The following STAB2 variants were observed in gnomAD, a reference collection of about 807,000 sequenced individuals.
STAB2 encodes stabilin 2.
Under a neutral mutation model 338.1 loss-of-function variants are expected in STAB2, and 288 were observed. The ratio of observed to expected loss-of-function variants is 0.85; its 90% CI spans 0.77 to 0.94. The LOEUF (loss-of-function observed/expected upper bound fraction) is 0.94, where lower values mean the gene tolerates loss of function less well. Ranked by LOEUF, STAB2 falls within the 40% of genes least tolerant of loss-of-function variation. The pLI is 0.00. For synonymous variants in STAB2, 1,202 were observed against 1,193.3 expected, an observed-to-expected ratio of 1.01 and a Z score of -0.15; for missense variants, 3,141 against 3,210.1, an observed-to-expected ratio of 0.98 and a Z score of 0.52.
At chr12:103,655,164 T>C (rs1874086974) in intron 13 of STAB2, 87 bp from the exon 14 acceptor site, 1 of 1,259,594 alleles carries the variant, frequency 7.9e-7, no homozygotes, top group African/African-American at 1.5e-5. Context: ...ACATAAACTC[T>C]GTCATCAGTC....
intron 53 of STAB2, among the ~76,000 whole-genome samples, chr12:103,738,217 C>A (rs1882308722): frequency 6.6e-6 from 1 of 152,176 alleles, no homozygotes; most frequent in South Asian, 2.1e-4. Flanking sequence ...CATAGTCAGT[C>A]TAATATGATA....
intron 46 of STAB2, among the ~76,000 whole-genome samples, chr12:103,726,785 A>G (rs192371754): frequency 6.6e-6 from 1 of 152,292 alleles, no homozygotes; most frequent in East Asian, 1.9e-4. Flanking sequence ...AAATGTAAGA[A>G]ATAAGATTTT....
chr12:103,702,461 G>T (rs1426658267), intron 34 of STAB2, among the ~76,000 whole-genome samples: 1 of 152,012 alleles, frequency 6.6e-6, no homozygotes, highest in Non-Finnish European at 1.5e-5. Context: ...ACCGCGCCCG[G>T]CTAATTTTTT....
chr12:103,681,767 G>A (rs573246254), intron 25 of STAB2, among the ~76,000 whole-genome samples: 141 of 151,810 alleles, frequency 9.3e-4, no homozygotes, highest in African/African-American at 2.9e-3. Context: ...GACTACAGGT[G>A]TGTGCCACCA....
At chr12:103,746,344 C>A (rs1883031014) in intron 57 of STAB2, 1 of 339,580 alleles carries the variant, frequency 2.9e-6, no homozygotes. Flanking sequence ...AATTGATAGC[C>A]CCTAAAGAAC....
chr12:103,710,017 T>C (rs1390689648), intron 39 of STAB2, among the ~76,000 whole-genome samples: 1 of 152,068 alleles, frequency 6.6e-6, no homozygotes, highest in Non-Finnish European at 1.5e-5. Flanking sequence ...TCTCCACATC[T>C]CTCAATCCAT....
Position 103,717,833 on chromosome 12 carries a change from T to C in STAB2, c.4675T>C (p.Cys1559Arg). ...AAAGGTCTGCACACTCATCAATGTCTGCTTAACTGTGAGTATGGCTCTAGG... is the reference window on the plus strand; with the variant it reads ...AAAGGTCTGCACACTCATCAATGTCCGCTTAACTGTGAGTATGGCTCTAGG... Reference protein sequence around the residue: ...DGKVCTLINVCLTKNGGCSEF... With the variant: ...DGKVCTLINVRLTKNGGCSEF... Residue 1559 changes from cysteine (C) to arginine (R), a missense_variant, in exon 44 of 69, where the codon TGC (cysteine) becomes CGC (arginine). Coordinates refer to ENST00000388887, the MANE Select transcript of STAB2 (RefSeq NM_017564.10). The C allele has an allele frequency of 6.2e-7, 1 of 1,614,090 alleles. No homozygotes were observed. The highest frequency in any genetic ancestry group is 8.5e-7 in the Non-Finnish European group (1 of 1,179,982).
In STAB2 at chr12:103,690,506, G is replaced by A; in HGVS notation, c.3265G>A (p.Gly1089Ser). Residue 1089 changes from glycine (G) to serine (S), a missense_variant, in exon 30 of 69, where the codon GGC becomes AGC. By Grantham distance (56) the Gly-to-Ser change is moderately conservative (BLOSUM62 0). Transcript: ENST00000388887. Reference protein sequence around the residue: ...SSDMLATSLQGNFLHLAKVDG... With the variant: ...SSDMLATSLQSNFLHLAKVDG... ...TGACATGTTGGCAACATCTTTGCAG[G>A]GCAACTTCCTTCACTTGGCAAAGGT... 6.2e-7 allele frequency: 1 copy of A among 1,614,036 alleles called. No homozygotes were observed. Among genetic ancestry groups the A allele is most frequent in the Non-Finnish European group, 8.5e-7 (1 of 1,179,946 alleles).
intron 68 of STAB2, 192 bp downstream of exon 68, chr12:103,763,800 T>C: frequency 1.9e-6 from 1 of 525,470 alleles, no homozygotes; most frequent in Non-Finnish European, 3.4e-6. Flanking sequence ...CTGGGTTCTC[T>C]TGGGTAGACA....
chr12:103,646,844 C>T (rs1293373492), intron 9 of STAB2, among the ~76,000 whole-genome samples: 1 of 152,134 alleles, frequency 6.6e-6, no homozygotes, highest in Non-Finnish European at 1.5e-5. Flanking sequence ...GACAATGTCT[C>T]CAGAGGTAGT....
chr12:103,701,267 G>A (rs1030402399), intron 34 of STAB2, among the ~76,000 whole-genome samples: 27 of 151,710 alleles, frequency 1.8e-4, no homozygotes, highest in East Asian at 3.9e-4. Flanking sequence ...TGGACATTTG[G>A]GTTGGTTCCA....
intron 48 of STAB2, among the ~76,000 whole-genome samples, chr12:103,729,757 C>A (rs1007241606): frequency 1.3e-4 from 20 of 152,174 alleles, no homozygotes; most frequent in Admixed American, 7.8e-4. Flanking sequence ...CTCCCTACTA[C>A]AGAGAAAAAA....
At chr12:103,620,808 G>A (rs1957288336) in intron 4 of STAB2, among the ~76,000 whole-genome samples, 1 of 152,184 alleles carries the variant, frequency 6.6e-6, no homozygotes, top group Non-Finnish European at 1.5e-5. Context: ...TTGTAAAAAT[G>A]GGTTTGAGGC....
chr12:103,749,386 C>T (rs1045602068), intron 59 of STAB2, among the ~76,000 whole-genome samples: 1 of 152,158 alleles, frequency 6.6e-6, no homozygotes, highest in Non-Finnish European at 1.5e-5. Context: ...GCTTAGTTAA[C>T]AGTAATGTAC....
intron 42 of STAB2, among the ~76,000 whole-genome samples, chr12:103,714,246 C>T (rs999389353): frequency 1.1e-4 from 17 of 152,044 alleles, no homozygotes; most frequent in African/African-American, 3.9e-4. Context: ...ACAAGTATAC[C>T]TCTAACATTA....
In STAB2 at chr12:103,689,789, C is replaced by A; in HGVS notation, c.3046-57C>A. 1.9e-6 allele frequency: 3 copies of A among 1,581,094 alleles called. No homozygotes were observed. The East Asian group carries it at 6.8e-5, about 36-fold the overall frequency. On this transcript the variant is annotated intron_variant, in intron 28 of 68. Transcript: ENST00000388887. ...TGTCATCTCTTCCAAGCATTTAAGG[C>A]AGCTCTGTTTGTCCCCTAACATAAG... is the stretch of plus-strand genomic sequence containing the variant.
Position 103,604,581 on chromosome 12 carries a change from C to A in STAB2, c.331+10071C>A, listed in dbSNP as rs1278667515. Among the ~76,000 whole-genome samples, 4 of 151,892 alleles carry A rather than the reference C, an allele frequency of 2.6e-5. No individual in the cohort carries two copies. In the East Asian group the frequency reaches 7.7e-4, roughly 29 times the overall value. On this transcript the variant is annotated intron_variant, in intron 3 of 68. Coordinates refer to ENST00000388887, the MANE Select transcript of STAB2 (RefSeq NM_017564.10). The stretch of plus-strand genomic sequence containing the variant: ...TATCTATTTCCTTTGAGTGAGCTTT[C>A]CTAGTTTTTTACTTTCAATACATTT...
At chr12:103,758,891 C>G (rs533781128) in intron 64 of STAB2, among the ~76,000 whole-genome samples, 1 of 152,188 alleles carries the variant, frequency 6.6e-6, no homozygotes, top group Non-Finnish European at 1.5e-5. Context: ...CTCAAGACAC[C>G]GCTGGAAAGC....
At chr12:103,648,870 G>C (rs755980285) in intron 10 of STAB2, 47 bp downstream of exon 10, 8 of 1,599,066 alleles carry the variant, frequency 5.0e-6, no homozygotes, top group Non-Finnish European at 6.8e-6. Flanking sequence ...CCTCTTTCAG[G>C]AAAGGGCATC....
Sources: gnomAD v4.1 joint callset for allele counts (sites outside exome capture counted in the v4.1 genomes callset) on GRCh38, gnomAD v4.1.1 for gene constraint, MANE v1.5 for transcripts, NCBI Gene and HGNC (gene_info 2026-07-23, HGNC 2026-07-21) for gene names.